Variants in CTNNA3 observed in about 807,000 individuals in gnomAD.
CTNNA3 encodes catenin alpha-3.
A neutral mutation model predicts 95.7 loss-of-function variants in CTNNA3; 76 were observed. That is an observed-to-expected ratio of 0.79 (90% CI 0.66 to 0.96). The LOEUF (loss-of-function observed/expected upper bound fraction) is 0.96. Ranked by LOEUF, CTNNA3 falls within the 40% of genes least tolerant of loss-of-function variation. CTNNA3 has a pLI of 0.00. For synonymous variants in CTNNA3, 431 were observed against 374.4 expected (o/e 1.15, Z -1.74); for missense variants, 1,191 against 1,089.8 (o/e 1.09, Z -1.31).
At chr10:66,309,934 TAAATAAATAAATAAATAAATA>T (rs1564856498) in intron 12 of CTNNA3, among the ~76,000 whole-genome samples, 2 of 142,732 alleles carry the variant, frequency 1.4e-5, no homozygotes, top group Non-Finnish European at 3.0e-5. Context: ...AATAAATAAA[TAAATAAATAAATAAATAAATA>T]AAATAAAAAT....
intron 9 of CTNNA3, among the ~76,000 whole-genome samples, chr10:66,717,016 T>A (rs1848472510): frequency 6.9e-6 from 1 of 145,968 alleles, no homozygotes. Flanking sequence ...TTGGAAGCCA[T>A]AAAAGCAAAA....
chr10:67,369,329 A>G (rs1234265757), intron 5 of CTNNA3, among the ~76,000 whole-genome samples: 1 of 152,182 alleles, frequency 6.6e-6, no homozygotes, highest in Admixed American at 6.5e-5. Context: ...TCCAGAAAAA[A>G]TTAAATAAGA....
chr10:66,907,820 A>G lies in CTNNA3; in HGVS notation c.1048-132296T>C, dbSNP rs568119428. 7.2e-5 allele frequency among the ~76,000 whole-genome samples: 11 copies of G among 152,336 alleles called. No individual in the cohort carries two copies. The South Asian group carries it at 2.3e-3, about 32-fold the overall frequency. ...ATTCTTATTTTCAAGCTGATGAAAT[A>G]AGGTAATTAAATTAAAAGAAACCCA... On this transcript the variant is annotated intron_variant, in intron 7 of 17. Transcript: ENST00000433211.
At chr10:66,374,059 T>C (rs534120030) in intron 12 of CTNNA3, among the ~76,000 whole-genome samples, 1 of 152,332 alleles carries the variant, frequency 6.6e-6, no homozygotes, top group African/African-American at 2.4e-5. Context: ...TATCACAGTG[T>C]AATCTTGCAG....
intron 9 of CTNNA3, among the ~76,000 whole-genome samples, chr10:66,650,200 T>C (rs1845845733): frequency 6.6e-6 from 1 of 152,130 alleles, no homozygotes. Flanking sequence ...AGATCATATG[T>C]TAGGTCATTC....
intron 17 of CTNNA3, among the ~76,000 whole-genome samples, chr10:65,944,886 A>ATCTT (rs1554818859): frequency 1.4e-5 from 2 of 138,194 alleles, no homozygotes; most frequent in African/African-American, 5.1e-5. Context: ...CTATCTATCT[A>ATCTT]TCTATCTATC....
At chr10:66,443,514 T>C (rs2093391505) in intron 11 of CTNNA3, among the ~76,000 whole-genome samples, 1 of 152,124 alleles carries the variant, frequency 6.6e-6, no homozygotes, top group African/African-American at 2.4e-5. Flanking sequence ...TCCGCTGTTC[T>C]ACAGCCACTG....
chr10:67,044,800 C>G (rs973985998), intron 7 of CTNNA3, among the ~76,000 whole-genome samples: 1 of 152,176 alleles, frequency 6.6e-6, no homozygotes, highest in Non-Finnish European at 1.5e-5. Context: ...AGATCATGGT[C>G]TTTGGAGCCA....
intron 13 of CTNNA3, among the ~76,000 whole-genome samples, chr10:66,230,597 A>G (rs2089537809): frequency 6.6e-6 from 1 of 152,184 alleles, no homozygotes; most frequent in Non-Finnish European, 1.5e-5. Context: ...AGAGGTGCAC[A>G]GTCACGTTGC....
Position 67,638,789 on chromosome 10 carries a change from T to A in CTNNA3, c.99+8626A>T, listed in dbSNP as rs189062407. Among the ~76,000 whole-genome samples, 554 of 152,188 alleles carry A rather than the reference T, an allele frequency of 3.6e-3. 5 individuals are homozygous for A. Among genetic ancestry groups the A allele is most frequent in the African/African-American group, 0.013 (520 of 41,500 alleles). On this transcript the variant is annotated intron_variant, in intron 2 of 17. Coordinates refer to ENST00000433211, the MANE Select transcript of CTNNA3 (RefSeq NM_013266.4). ...GTACATAACAAAATGAAGGCAGAAA[T>A]AAAGATGTTCTTTGAAACCAATGAG...
At chr10:67,699,405 G>A (rs896901474), upstream of CTNNA3, among the ~76,000 whole-genome samples, 6 of 152,098 alleles carry the variant, frequency 3.9e-5, no homozygotes, top group Admixed American at 1.3e-4. Context: ...ACCTCCAGGT[G>A]GCCAAACCAT....
At chr10:67,520,385 TTAA>T (rs1207071097) in intron 5 of CTNNA3, among the ~76,000 whole-genome samples, 2 of 152,136 alleles carry the variant, frequency 1.3e-5, no homozygotes. Flanking sequence ...TGAAAATGTG[TTAA>T]TGAGAAACGA....
At chr10:67,279,171 A>C (rs1447153582) in intron 5 of CTNNA3, among the ~76,000 whole-genome samples, 1 of 152,116 alleles carries the variant, frequency 6.6e-6, no homozygotes, top group Non-Finnish European at 1.5e-5. Context: ...CAGTCATAAA[A>C]CCTAGAGTCT....
chr10:65,980,945 A>C (rs996007387), intron 16 of CTNNA3, among the ~76,000 whole-genome samples: 1 of 151,964 alleles, frequency 6.6e-6, no homozygotes, highest in African/African-American at 2.4e-5. Flanking sequence ...GACAAGGATG[A>C]CCACTTTCAC....
At chr10:67,520,397 G>C (rs191712306) in intron 5 of CTNNA3, among the ~76,000 whole-genome samples, 1 of 152,058 alleles carries the variant, frequency 6.6e-6, no homozygotes, top group Admixed American at 6.6e-5. Flanking sequence ...AATGAGAAAC[G>C]ATAACAGAAG....
intron 7 of CTNNA3, among the ~76,000 whole-genome samples, chr10:67,170,005 T>C (rs1218007386): frequency 2.0e-5 from 3 of 152,084 alleles, no homozygotes; most frequent in African/African-American, 4.8e-5. Context: ...TGTGGCCAAC[T>C]AGCACATAAA....
chr10:66,748,744 G>A (rs1838991986), intron 9 of CTNNA3, among the ~76,000 whole-genome samples: 1 of 151,984 alleles, frequency 6.6e-6, no homozygotes, highest in Non-Finnish European at 1.5e-5. Context: ...AAAGTACAGA[G>A]AGTTCCCATA....
chr10:66,741,038 T>C (rs1001138546), intron 9 of CTNNA3, among the ~76,000 whole-genome samples: 8 of 152,228 alleles, frequency 5.3e-5, no homozygotes, highest in African/African-American at 1.9e-4. Flanking sequence ...CCATTCCAAA[T>C]ACACTATTTT....
At chr10:67,089,083 C>A (rs1410063696) in intron 7 of CTNNA3, among the ~76,000 whole-genome samples, 1 of 151,690 alleles carries the variant, frequency 6.6e-6, no homozygotes, top group African/African-American at 2.4e-5. Flanking sequence ...TACTACACAC[C>A]ATTTTATATA....
Sources: gnomAD v4.1 joint callset for allele counts (sites outside exome capture counted in the v4.1 genomes callset) on GRCh38, gnomAD v4.1.1 for gene constraint, MANE v1.5 for transcripts, NCBI Gene and HGNC (gene_info 2026-07-23, HGNC 2026-07-21) for gene names.